ATXN7: variants seen among roughly 807,000 people sequenced by gnomAD.
The protein encoded by ATXN7 is ataxin-7.
A neutral mutation model predicts 70.5 loss-of-function variants in ATXN7; 12 were observed. That is an observed-to-expected ratio of 0.17 (90% CI 0.11 to 0.28). The LOEUF (loss-of-function observed/expected upper bound fraction) is 0.28, where lower values mean the gene tolerates loss of function less well. Among genes scored for constraint, ATXN7 ranks in the 10% least tolerant of loss-of-function variants. The pLI, the probability that ATXN7 is intolerant of heterozygous loss-of-function variation, is 1.00. For missense variants in ATXN7, 1,256 were observed against 1,131.7 expected (o/e 1.11, Z -1.58); for synonymous variants, 498 against 448.7 (o/e 1.11, Z -1.39).
At chr3:63,946,992 A>G (rs555221228) in intron 4 of ATXN7, among the ~76,000 whole-genome samples, 2 of 152,270 alleles carry the variant, frequency 1.3e-5, no homozygotes, top group African/African-American at 2.4e-5. Context: ...TGGCACTGGC[A>G]TAGAGGAGGT....
chr3:63,961,463 G>A (rs1380390051), intron 5 of ATXN7, among the ~76,000 whole-genome samples: 2 of 152,106 alleles, frequency 1.3e-5, no homozygotes, highest in Non-Finnish European at 2.9e-5. Context: ...CATGGAACCT[G>A]GTCACAGTGC....
intron 2 of ATXN7, among the ~76,000 whole-genome samples, chr3:63,899,737 C>T (rs774812691): frequency 4.6e-5 from 7 of 152,230 alleles, no homozygotes; most frequent in East Asian, 3.9e-4. Flanking sequence ...CCTCAGCCTC[C>T]CGACTAGCTG....
chr3:63,945,779 C>G (rs999498647), intron 4 of ATXN7, among the ~76,000 whole-genome samples: 1 of 152,154 alleles, frequency 6.6e-6, no homozygotes, highest in Non-Finnish European at 1.5e-5. Flanking sequence ...GCTAGGAGCC[C>G]TACCTAGCCA....
intron 4 of ATXN7, among the ~76,000 whole-genome samples, chr3:63,920,413 T>C (rs1299938768): frequency 7.9e-5 from 12 of 152,146 alleles, no homozygotes; most frequent in Admixed American, 1.3e-4. Context: ...TCACAAAGCA[T>C]GTAAGAGGCC....
chr3:63,936,369 C>A (rs2074663258), intron 4 of ATXN7, among the ~76,000 whole-genome samples: 1 of 152,094 alleles, frequency 6.6e-6, no homozygotes, highest in Admixed American at 6.6e-5. Context: ...AACTGGTTGG[C>A]CTCCATGTGG....
chr3:63,872,329 C>T (rs1162239313), intron 1 of ATXN7, among the ~76,000 whole-genome samples: 1 of 152,196 alleles, frequency 6.6e-6, no homozygotes, highest in Admixed American at 6.5e-5. Flanking sequence ...TTTATTTGCT[C>T]ATAATTAGGG....
chr3:63,979,289 G>A (rs1357084973), intron 5 of ATXN7, among the ~76,000 whole-genome samples: 2 of 152,182 alleles, frequency 1.3e-5, no homozygotes, highest in Non-Finnish European at 2.9e-5. Flanking sequence ...CCGGAGCTAT[G>A]CCATCTGTAG....
At chr3:63,910,810 T>C (rs940474920) in intron 2 of ATXN7, among the ~76,000 whole-genome samples, 2 of 152,156 alleles carry the variant, frequency 1.3e-5, no homozygotes, top group African/African-American at 2.4e-5. Flanking sequence ...TATTTCTAAA[T>C]CTTTCTAAAA....
chr3:63,974,108 G>A (rs1003878313), intron 5 of ATXN7, among the ~76,000 whole-genome samples: 2 of 151,770 alleles, frequency 1.3e-5, no homozygotes, highest in African/African-American at 4.8e-5. Flanking sequence ...GTCTTTCTAG[G>A]CATTTGTCTG....
chr3:63,982,627 T>A (rs931557896), intron 7 of ATXN7, among the ~76,000 whole-genome samples, 182 bp downstream of exon 7: 1 of 140,022 alleles, frequency 7.1e-6, no homozygotes, highest in Non-Finnish European at 1.6e-5. Context: ...AGCATGAGTG[T>A]GTGTGTGTGT....
chr3:63,921,502 C>G (rs1217843524), intron 4 of ATXN7, among the ~76,000 whole-genome samples: 2 of 152,190 alleles, frequency 1.3e-5, no homozygotes, highest in Non-Finnish European at 2.9e-5. Flanking sequence ...TGAAAAAGCA[C>G]TGTGGTCTTC....
chr3:63,910,590 A>T (rs73117041), intron 2 of ATXN7, among the ~76,000 whole-genome samples: 15,815 of 152,244 alleles, frequency 0.1, 1,004 homozygotes, highest in Admixed American at 0.15. Flanking sequence ...AGGGAACTCT[A>T]TTCCTGTCAA....
rs113719238 is a variant in ATXN7, at chr3:63,933,743, G to A, written c.395-18636G>A. Among the ~76,000 whole-genome samples, 375 of 152,278 alleles carry A rather than the reference G, an allele frequency of 2.5e-3. 1 individual carries two copies. Among genetic ancestry groups the A allele is most frequent in the African/African-American group, 8.0e-3 (331 of 41,564 alleles). On this transcript the variant is annotated intron_variant, in intron 4 of 12. Transcript: ENST00000674280. ...TGTCCCTTGTATCCCTCTCAATTAA[G>A]TGGTATTCTCTACTGGGTATTGAAA...
chr3:63,874,144 T>G (rs1030320017), intron 1 of ATXN7, among the ~76,000 whole-genome samples: 60 of 152,204 alleles, frequency 3.9e-4, no homozygotes, highest in African/African-American at 1.4e-3. Context: ...AATATGCATT[T>G]TCCTCATTTT....
chr3:63,873,169 C>T (rs938208984), intron 1 of ATXN7, among the ~76,000 whole-genome samples: 1 of 151,970 alleles, frequency 6.6e-6, no homozygotes, highest in Non-Finnish European at 1.5e-5. Context: ...AAATTTTATC[C>T]CCCCAATTTT....
intron 1 of ATXN7, among the ~76,000 whole-genome samples, chr3:63,872,763 A>G (rs1702635956): frequency 6.6e-6 from 1 of 152,226 alleles, no homozygotes; most frequent in Admixed American, 6.5e-5. Context: ...TTTGTTTGCC[A>G]TGATTGATAA....
At chr3:63,965,812 A>C (rs1264348061) in intron 5 of ATXN7, among the ~76,000 whole-genome samples, 1 of 152,214 alleles carries the variant, frequency 6.6e-6, no homozygotes, top group Admixed American at 6.5e-5. Context: ...AAGGGGGCAC[A>C]TGTGAGTGTT....
intron 1 of ATXN7, among the ~76,000 whole-genome samples, chr3:63,875,028 ATGAAGGTTCTGCCCTCATGAC>A (rs1255907739): frequency 6.6e-6 from 1 of 152,176 alleles, no homozygotes; most frequent in Non-Finnish European, 1.5e-5. Flanking sequence ...AATCCTATTC[ATGAAGGTTCTGCCCTCATGAC>A]CTAATCACCC....
intron 1 of ATXN7, among the ~76,000 whole-genome samples, chr3:63,882,507 C>G (rs1376884040): frequency 6.6e-6 from 1 of 151,484 alleles, no homozygotes; most frequent in Non-Finnish European, 1.5e-5. Flanking sequence ...GTCTCAGTCT[C>G]GCAAGTAGTT....
Sources: gnomAD v4.1 joint callset for allele counts (sites outside exome capture counted in the v4.1 genomes callset) on GRCh38, gnomAD v4.1.1 for gene constraint, MANE v1.5 for transcripts, NCBI Gene and HGNC (gene_info 2026-07-23, HGNC 2026-07-21) for gene names.